The following NCKAP5 variants were observed in gnomAD, a reference collection of about 807,000 sequenced individuals.
NCKAP5 encodes NCK associated protein 5.
A neutral mutation model predicts 167.0 loss-of-function variants in NCKAP5; 92 were observed. The ratio of observed to expected loss-of-function variants is 0.55; its 90% CI spans 0.47 to 0.66. The LOEUF is 0.66. Among genes scored for constraint, NCKAP5 ranks in the 30% least tolerant of loss-of-function variants. The probability of loss-of-function intolerance (pLI) is 0.00; values close to 1 mark genes in which losing one functional copy is unlikely to be tolerated. For synonymous variants in NCKAP5, 891 were observed against 877.4 expected (o/e 1.02, Z -0.27); for missense variants, 2,378 against 2,315.0 (o/e 1.03, Z -0.56).
intron 11 of NCKAP5, among the ~76,000 whole-genome samples, chr2:132,811,819 T>C (rs1183768548): frequency 6.6e-6 from 1 of 152,188 alleles, no homozygotes; most frequent in East Asian, 1.9e-4. Context: ...TGTTACAAAG[T>C]TCAGCGGGAG....
intron 5 of NCKAP5, among the ~76,000 whole-genome samples, chr2:133,164,219 C>A (rs2083912065): frequency 6.6e-6 from 1 of 151,996 alleles, no homozygotes; most frequent in African/African-American, 2.4e-5. Context: ...TCCACACACA[C>A]AAAAAGAAAA....
intron 15 of NCKAP5, 22 bp from the exon 16 acceptor site, chr2:132,773,916 G>T (rs377482618): frequency 1.3e-4 from 208 of 1,590,200 alleles, no homozygotes; most frequent in Non-Finnish European, 1.7e-4. Flanking sequence ...AGAAAATGAT[G>T]CAAGTTCTTA....
At chr2:133,499,442 A>G (rs1682278835) in intron 3 of NCKAP5, among the ~76,000 whole-genome samples, 1 of 152,242 alleles carries the variant, frequency 6.6e-6, no homozygotes, top group Non-Finnish European at 1.5e-5. Context: ...CATGCAAAAA[A>G]ACCAACACCA....
chr2:133,384,347 G>A (rs1315374070), intron 3 of NCKAP5, among the ~76,000 whole-genome samples: 17 of 152,114 alleles, frequency 1.1e-4, no homozygotes, highest in South Asian at 4.1e-4. Context: ...TGTCAGGTTC[G>A]TCAAAGATCA....
chr2:132,773,225 T>C lies in NCKAP5; in HGVS notation c.5128+591A>G, dbSNP rs997231235. ...AATGCAGTCACAGGCAAGTTCTCCA[T>C]CACTGGTTACCTCCAAGCTGCTGTA... On this transcript the variant is annotated intron_variant, in intron 16 of 19. Coordinates refer to ENST00000409261, the MANE Select transcript of NCKAP5 (RefSeq NM_207363.3). Among the ~76,000 whole-genome samples the C allele has an allele frequency of 2.0e-5, 3 of 152,208 alleles. 1 individual carries two copies. Among genetic ancestry groups the C allele is most frequent in the Admixed American group, 2.0e-4 (3 of 15,278 alleles).
chr2:132,903,519 C>T (rs1693783990), intron 8 of NCKAP5, among the ~76,000 whole-genome samples: 1 of 152,202 alleles, frequency 6.6e-6, no homozygotes, highest in Admixed American at 6.5e-5. Flanking sequence ...TGTATGTTGA[C>T]AGACCTCAAC....
Position 133,450,473 on chromosome 2 carries a change from G to A in NCKAP5, c.69+66985C>T, listed in dbSNP as rs186954403. ...CGTTTTTAAAAGCCATTCATATTGAGATTACTATTGACTATTCGGATGCAT... is the reference window on the plus strand; with the variant it reads ...CGTTTTTAAAAGCCATTCATATTGAAATTACTATTGACTATTCGGATGCAT... On this transcript the variant is annotated intron_variant, in intron 3 of 19. Coordinates refer to ENST00000409261, the MANE Select transcript of NCKAP5 (RefSeq NM_207363.3). Among the ~76,000 whole-genome samples, 16 of 152,238 alleles carry A rather than the reference G, an allele frequency of 1.1e-4. No individual in the cohort carries two copies. The South Asian group carries it at 1.7e-3, about 16-fold the overall frequency.
At chr2:133,496,116 C>T (rs1010971310) in intron 3 of NCKAP5, among the ~76,000 whole-genome samples, 1 of 152,150 alleles carries the variant, frequency 6.6e-6, no homozygotes, top group African/African-American at 2.4e-5. Flanking sequence ...ACGTTACTTG[C>T]TTAACAAATC....
At chr2:133,431,719 T>G (rs2151128261) in intron 3 of NCKAP5, 1 of 152,260 alleles carries the variant, frequency 6.6e-6, no homozygotes, top group African/African-American at 2.4e-5. Context: ...ATCATACCTA[T>G]ACTTCAGAAG....
At chr2:133,103,184 G>C (rs1017967933) in intron 6 of NCKAP5, among the ~76,000 whole-genome samples, 2 of 152,046 alleles carry the variant, frequency 1.3e-5, no homozygotes, top group African/African-American at 4.8e-5. Flanking sequence ...ATGAATGAAT[G>C]GTATAAGTTA....
intron 3 of NCKAP5, among the ~76,000 whole-genome samples, chr2:133,413,527 G>A (rs1688907478): frequency 6.6e-6 from 1 of 152,010 alleles, no homozygotes; most frequent in Admixed American, 6.6e-5. Flanking sequence ...AGGGGAAGGA[G>A]GGAAGGGTGC....
chr2:133,518,344 ATTTTTTTTTTTTTTTTT>A (rs751025050), intron 2 of NCKAP5, among the ~76,000 whole-genome samples: 1 of 74,616 alleles, frequency 1.3e-5, no homozygotes, highest in Non-Finnish European at 2.4e-5. Context: ...ACAGTAAAGG[ATTTTTTTTTTTTTTTTT>A]TTTTTTTTTT....
At chr2:133,317,668 A>G (rs1681714817) in intron 3 of NCKAP5, among the ~76,000 whole-genome samples, 1 of 152,188 alleles carries the variant, frequency 6.6e-6, no homozygotes, top group Non-Finnish European at 1.5e-5. Context: ...TAGCCGACTT[A>G]GTGCTGAAAA....
intron 3 of NCKAP5, among the ~76,000 whole-genome samples, chr2:133,446,243 T>C (rs538705584): frequency 6.6e-6 from 1 of 152,288 alleles, no homozygotes; most frequent in East Asian, 1.9e-4. Context: ...GAGAAAAGAA[T>C]GGAAGTCCTA....
chr2:132,998,555 T>C (rs534099991), intron 6 of NCKAP5, among the ~76,000 whole-genome samples: 1 of 152,302 alleles, frequency 6.6e-6, no homozygotes, highest in South Asian at 2.1e-4. Context: ...AGAGAAAATG[T>C]TATAAACCTG....
intron 19 of NCKAP5, among the ~76,000 whole-genome samples, chr2:132,686,162 C>T (rs939183001): frequency 6.6e-6 from 1 of 152,162 alleles, no homozygotes; most frequent in Non-Finnish European, 1.5e-5. Context: ...AACTGCTCAG[C>T]AACACTTCAG....
At chr2:133,197,112 A>G (rs1416428390) in intron 5 of NCKAP5, among the ~76,000 whole-genome samples, 3 of 152,236 alleles carry the variant, frequency 2.0e-5, no homozygotes, top group Non-Finnish European at 4.4e-5. Context: ...AAAGATCAGG[A>G]AAGGAGGCTC....
intron 19 of NCKAP5, among the ~76,000 whole-genome samples, chr2:132,687,114 T>A (rs903268322): frequency 6.6e-6 from 1 of 152,148 alleles, no homozygotes; most frequent in African/African-American, 2.4e-5. Context: ...AATGAAGGTT[T>A]AAAAATAATG....
intron 3 of NCKAP5, among the ~76,000 whole-genome samples, chr2:133,341,948 T>C (rs1179102258): frequency 6.6e-6 from 1 of 151,648 alleles, no homozygotes; most frequent in Non-Finnish European, 1.5e-5. Flanking sequence ...TAAACATTCT[T>C]TTTTTTTTGA....
Sources: gnomAD v4.1 joint callset for allele counts (sites outside exome capture counted in the v4.1 genomes callset) on GRCh38, gnomAD v4.1.1 for gene constraint, MANE v1.5 for transcripts, NCBI Gene and HGNC (gene_info 2026-07-23, HGNC 2026-07-21) for gene names.